CTCFL: variants seen among roughly 807,000 people sequenced by gnomAD.
CTCFL encodes CCCTC-binding factor like.
CTCFL carries 36 observed loss-of-function variants against 67.4 expected under a neutral mutation model. That is an observed-to-expected ratio of 0.53 (90% CI 0.41 to 0.71). The LOEUF is 0.71. Among genes scored for constraint, CTCFL ranks in the 30% least tolerant of loss-of-function variants. The pLI, the probability that CTCFL is intolerant of heterozygous loss-of-function variation, is 0.00. For synonymous variants in CTCFL, 324 were observed against 302.3 expected (o/e 1.07, Z -0.75); for missense variants, 786 against 835.2 (o/e 0.94, Z 0.73).
At chr20:57,515,474 C>T (rs949155909) in intron 6 of CTCFL, 2 of 490,296 alleles carry the variant, frequency 4.1e-6, no homozygotes, top group South Asian at 4.6e-5. Context: ...CCTGAAAAAT[C>T]TACGGAAGCA....
chr20:57,521,418 C>T (rs964580030), intron 3 of CTCFL, among the ~76,000 whole-genome samples: 5 of 152,194 alleles, frequency 3.3e-5, no homozygotes, highest in Non-Finnish European at 5.9e-5. Context: ...AAATGGAAAA[C>T]AAGCGTTGGT....
intron 6 of CTCFL, 162 bp downstream of exon 6, chr20:57,515,551 TA>T: frequency 2.5e-6 from 2 of 806,576 alleles, no homozygotes; most frequent in Non-Finnish European, 4.0e-6. Flanking sequence ...CTCTTACTGC[TA>T]AATAAAGGTA....
chr20:57,498,656 G>C lies in CTCFL; in HGVS notation c.1886C>G (p.Pro629Arg). 1 of 1,614,048 alleles carries C rather than the reference G, an allele frequency of 6.2e-7. No homozygotes were observed. The highest frequency in any genetic ancestry group is 1.3e-5 in the African/African-American group (1 of 75,032). Residue 629 changes from proline (P) to arginine (R), a missense_variant, in exon 11 of 11, where the codon CCA becomes CGA. Pro to Arg is a moderately radical substitution (Grantham distance 103). Around this residue, in one of 3 missense-constraint regions of CTCFL, gnomAD observed 199 missense variants for 196.7 expected, o/e 1.01. Transcript: ENST00000243914. Reference protein sequence around the residue: ...EASTTKGEQFPGEMFPVACRE... With the variant: ...EASTTKGEQFRGEMFPVACRE... ...GCAGGCGACAGGAAACATCTCTCCTGGGAACTGTTCTCCCTTCGTGGTGGA... is the reference window on the plus strand; with the variant it reads ...GCAGGCGACAGGAAACATCTCTCCTCGGAACTGTTCTCCCTTCGTGGTGGA...
intron 9 of CTCFL, among the ~76,000 whole-genome samples, chr20:57,506,526 A>C (rs2068217859): frequency 6.6e-6 from 1 of 152,042 alleles, no homozygotes; most frequent in Non-Finnish European, 1.5e-5. Context: ...CTGGTCTTGA[A>C]CTGCTGACCT....
chr20:57,507,874 C>T (rs2068302364), intron 9 of CTCFL: 1 of 703,010 alleles, frequency 1.4e-6, no homozygotes, highest in Non-Finnish European at 2.6e-6. Context: ...ACTAATACAA[C>T]ACCTAAAAGA....
chr20:57,524,359 A>G, intron 1 of CTCFL, 143 bp from the exon 2 acceptor site: 1 of 1,468,618 alleles, frequency 6.8e-7, no homozygotes, highest in Non-Finnish European at 8.9e-7. Flanking sequence ...GTAGGGTCAG[A>G]ACAATGCTGA....
chr20:57,502,691 T>C (rs1245411988), intron 10 of CTCFL, among the ~76,000 whole-genome samples: 1 of 152,076 alleles, frequency 6.6e-6, no homozygotes, highest in African/African-American at 2.4e-5. Flanking sequence ...AGCAGAGCCA[T>C]TCACAGGACA....
chr20:57,503,473 T>C lies in CTCFL; in HGVS notation c.1803A>G (p.Glu601=). ...CGGCTTCCTTCCATCCCTTCGCAGC[T>C]TCCTTCTGACCCTTTGTGGCTTCCT... ...ILKEATKGQK[E]AAKGWKEAAN... The change falls in exon 10 of 11, where the codon GAA becomes GAG. Residue 601 remains glutamate, a synonymous_variant. Transcript: ENST00000243914. The C allele has an allele frequency of 1.2e-6, 2 of 1,614,210 alleles. No homozygotes were observed. Among genetic ancestry groups the C allele is most frequent in the Non-Finnish European group, 1.7e-6 (2 of 1,180,030 alleles).
chr20:57,503,686 GGAAA>G, intron 9 of CTCFL, 85 bp from the exon 10 acceptor site: 1 of 1,439,056 alleles, frequency 6.9e-7, no homozygotes, highest in Non-Finnish European at 9.5e-7. Context: ...CCCCACGCAT[GGAAA>G]GAAAGAAAAA....
Position 57,508,857 on chromosome 20 carries a change from T to A in CTCFL, c.1492-69A>T, listed in dbSNP as rs1051104986. On this transcript the variant is annotated intron_variant, in intron 8 of 10. Coordinates refer to ENST00000243914, the MANE Select transcript of CTCFL (RefSeq NM_001386993.1). ...TTTTCTCGATATTAGACACTGTTTA[T>A]CATACAATACCTTTTATTTCCCTCC... 5 of 1,371,164 alleles carry A rather than the reference T, an allele frequency of 3.6e-6. No homozygotes were observed. In the African/African-American group the frequency reaches 7.2e-5, roughly 20 times the overall value. The allele number at this position is 1,371,164 out of a possible 1,614,324, so 84.9% of individuals were successfully genotyped here.
At chr20:57,511,687 G>A (rs2068571664) in intron 8 of CTCFL, among the ~76,000 whole-genome samples, 1 of 151,508 alleles carries the variant, frequency 6.6e-6, no homozygotes, top group Non-Finnish European at 1.5e-5. Flanking sequence ...TGCCTCCCAG[G>A]TTCAAGCAAT....
At position 57,508,636 on chromosome 20, in the gene CTCFL, G is replaced by C; in HGVS notation, c.1644C>G (p.Cys548Trp). ...DANFIPTVYK[C>W]SKCGKGFSRW... ...GGGAAAAGCCTTTGCCACACTTGGAGCATTTGTAAACAGTCGGGATGAAAT... is the reference window on the plus strand; with the variant it reads ...GGGAAAAGCCTTTGCCACACTTGGACCATTTGTAAACAGTCGGGATGAAAT... The change falls in exon 9 of 11, where the codon TGC (cysteine) becomes TGG (tryptophan). Residue 548 changes from cysteine (C) to tryptophan (W), a missense_variant. Transcript: ENST00000243914. The C allele has an allele frequency of 1.2e-6, 2 of 1,614,162 alleles. No individual in the cohort carries two copies. The highest frequency in any genetic ancestry group is 1.7e-6 in the Non-Finnish European group (2 of 1,180,024).
chr20:57,510,230 T>A (rs1568862386), intron 8 of CTCFL, among the ~76,000 whole-genome samples: 1 of 152,170 alleles, frequency 6.6e-6, no homozygotes, highest in Non-Finnish European at 1.5e-5. Flanking sequence ...CTTTTATACT[T>A]TAAAAAATTA....
In CTCFL at chr20:57,523,856, G is replaced by A. The variant is rs2069606222; in HGVS notation, c.350C>T (p.Pro117Leu). The A allele has an allele frequency of 1.2e-6, 2 of 1,613,106 alleles. No homozygotes were observed. Among genetic ancestry groups the A allele is most frequent in the Non-Finnish European group, 8.5e-7 (1 of 1,180,056 alleles). The change falls in exon 2 of 11, where the codon CCT becomes CTT. Residue 117 changes from proline to leucine, a missense_variant. Around this residue, in one of 3 missense-constraint regions of CTCFL, gnomAD observed 333 missense variants for 304.6 expected, o/e 1.09. Transcript: ENST00000243914. Reference protein sequence around the residue: ...GVQVVVQQPGPGLLWLEEGPR... With the variant: ...GVQVVVQQPGLGLLWLEEGPR... ...CCCTTCCTCAAGCCACAGCAACCCA[G>A]GGCCAGGCTGTTGCACCACCACCTG... is the stretch of plus-strand genomic sequence containing the variant.
chr20:57,514,339 ATCTGTGAAAGG>A (rs1190057765), intron 7 of CTCFL, among the ~76,000 whole-genome samples: 1 of 152,210 alleles, frequency 6.6e-6, no homozygotes, highest in Non-Finnish European at 1.5e-5. Context: ...AGTAATACCC[ATCTGTGAAAGG>A]TCTTATCACG....
chr20:57,514,563 A>C, intron 7 of CTCFL, 29 bp downstream of exon 7: 1 of 1,611,952 alleles, frequency 6.2e-7, no homozygotes, highest in Non-Finnish European at 8.5e-7. Context: ...CAAATGCTGT[A>C]GTAAAAGAAA....
intron 8 of CTCFL, among the ~76,000 whole-genome samples, chr20:57,511,785 G>A (rs1377639854): frequency 6.6e-6 from 1 of 151,980 alleles, no homozygotes; most frequent in Non-Finnish European, 1.5e-5. Flanking sequence ...TAGAAACGGG[G>A]TTTCACCATA....
At chr20:57,503,397 C>T (rs1268517863) in intron 10 of CTCFL, 39 bp downstream of exon 10, 4 of 1,611,606 alleles carry the variant, frequency 2.5e-6, no homozygotes, top group Non-Finnish European at 3.4e-6. Context: ...ACCAGAAAAT[C>T]ACTGAGGCGG....
chr20:57,497,266 G>A lies in CTCFL; in HGVS notation c.*1284C>T, dbSNP rs1462845962. The A allele has an allele frequency of 2.0e-6, 2 of 980,056 alleles. No homozygotes were observed. The highest frequency in any genetic ancestry group is 1.2e-6 in the Non-Finnish European group (1 of 825,216). The allele number at this position is 980,056 out of a possible 1,614,324, so 60.7% of individuals were successfully genotyped here. Reference sequence around the variant, plus strand: ...ATTGCACAAATTCAGTCACAATGATGGCATACTACAGCCCACAGAATTTAA... The same window carrying A: ...ATTGCACAAATTCAGTCACAATGATAGCATACTACAGCCCACAGAATTTAA... On this transcript the variant is annotated 3_prime_UTR_variant, in exon 11 of 11. Transcript: ENST00000243914.
Sources: gnomAD v4.1 joint callset for allele counts (sites outside exome capture counted in the v4.1 genomes callset) on GRCh38, gnomAD v4.1.1 for gene constraint, gnomAD v4.1.1 regional missense constraint, MANE v1.5 for transcripts, NCBI Gene and HGNC (gene_info 2026-07-23, HGNC 2026-07-21) for gene names.